The following MGAT4C variants were observed in gnomAD, a reference collection of about 807,000 sequenced individuals.
MGAT4C encodes MGAT4 family member C.
Under a neutral mutation model 40.1 loss-of-function variants are expected in MGAT4C, and 19 were observed. The observed-to-expected ratio is 0.47, with a 90% CI of 0.33 to 0.70. MGAT4C has a LOEUF of 0.70. MGAT4C is among the 30% of genes least tolerant of loss of function. The pLI, the probability that MGAT4C is intolerant of heterozygous loss-of-function variation, is 0.02. For missense variants in MGAT4C, 491 were observed against 563.2 expected (o/e 0.87, Z 1.30); for synonymous variants, 181 against 187.1 (o/e 0.97, Z 0.27).
chr12:86,086,507 A>C (rs772283095), intron 1 of MGAT4C, among the ~76,000 whole-genome samples: 8 of 152,108 alleles, frequency 5.3e-5, no homozygotes, highest in Non-Finnish European at 1.0e-4. Flanking sequence ...GCACATCTGC[A>C]CATGTATCCC....
intron 4 of MGAT4C, among the ~76,000 whole-genome samples, chr12:86,273,887 A>G (rs1000136733): frequency 7.2e-5 from 11 of 152,208 alleles, no homozygotes; most frequent in Non-Finnish European, 1.5e-4. Context: ...CTTTAATGGT[A>G]CTTGCACCTT....
At chr12:86,242,746 T>C (rs1457340869) in intron 1 of MGAT4C, among the ~76,000 whole-genome samples, 1 of 152,048 alleles carries the variant, frequency 6.6e-6, no homozygotes, top group African/African-American at 2.4e-5. Context: ...CTTACCTTTA[T>C]ACAATGGCAT....
At chr12:86,321,081 C>A (rs953689380) in intron 4 of MGAT4C, among the ~76,000 whole-genome samples, 1 of 152,038 alleles carries the variant, frequency 6.6e-6, no homozygotes, top group African/African-American at 2.4e-5. Context: ...ATCTTAAAAC[C>A]ATTTTTATAC....
chr12:86,195,423 A>T (rs890456569), intron 1 of MGAT4C, among the ~76,000 whole-genome samples: 8 of 152,138 alleles, frequency 5.3e-5, no homozygotes, highest in South Asian at 2.1e-4. Flanking sequence ...TTTAAAGGAG[A>T]CATTGAATCA....
intron 1 of MGAT4C, among the ~76,000 whole-genome samples, chr12:86,175,638 T>G (rs1887323457): frequency 6.6e-6 from 1 of 152,000 alleles, no homozygotes; most frequent in Non-Finnish European, 1.5e-5. Context: ...TTCTCAAACT[T>G]TAATAGGTAT....
At chr12:86,551,531 A>G (rs961883476) in intron 2 of MGAT4C, among the ~76,000 whole-genome samples, 2 of 152,036 alleles carry the variant, frequency 1.3e-5, no homozygotes, top group Non-Finnish European at 2.9e-5. Context: ...ACACCCCCAC[A>G]TTGGCCAAGT....
chr12:86,371,753 A>T (rs1205846183), intron 3 of MGAT4C, among the ~76,000 whole-genome samples: 1 of 151,950 alleles, frequency 6.6e-6, no homozygotes, highest in African/African-American at 2.4e-5. Context: ...TTTATCTTTG[A>T]TTCCTCAATA....
At chr12:86,612,275 C>T (rs984216558) in intron 2 of MGAT4C, among the ~76,000 whole-genome samples, 1 of 151,980 alleles carries the variant, frequency 6.6e-6, no homozygotes, top group Non-Finnish European at 1.5e-5. Context: ...TTTTCTCAAC[C>T]TACTAAAATC....
At chr12:86,448,250 C>T (rs572922575) in intron 2 of MGAT4C, among the ~76,000 whole-genome samples, 3 of 152,282 alleles carry the variant, frequency 2.0e-5, no homozygotes, top group African/African-American at 7.2e-5. Flanking sequence ...TTATTGGAAT[C>T]CTTTCCTTCT....
intron 1 of MGAT4C, among the ~76,000 whole-genome samples, chr12:86,800,585 G>A (rs1300964669): frequency 1.3e-5 from 2 of 151,880 alleles, no homozygotes; most frequent in African/African-American, 4.8e-5. Flanking sequence ...GTATCAGAGG[G>A]AGTAAACCAG....
intron 2 of MGAT4C, among the ~76,000 whole-genome samples, chr12:86,582,982 T>C (rs1412600257): frequency 1.3e-5 from 2 of 151,200 alleles, no homozygotes; most frequent in Middle Eastern, 3.2e-3. Flanking sequence ...TAAACACAGA[T>C]AAGAAAATGG....
chr12:86,603,651 ATATAG>A (rs1206103579), intron 2 of MGAT4C, among the ~76,000 whole-genome samples: 5 of 126,462 alleles, frequency 4.0e-5, no homozygotes, highest in African/African-American at 1.5e-4. Flanking sequence ...AGTATATATT[ATATAG>A]TCTATATTAT....
At chr12:86,604,015 A>AT (rs1961951108) in intron 2 of MGAT4C, among the ~76,000 whole-genome samples, 2 of 151,804 alleles carry the variant, frequency 1.3e-5, no homozygotes, top group South Asian at 2.1e-4. Flanking sequence ...AACATATATA[A>AT]TTTTTTGTCA....
At chr12:86,199,190 G>A (rs1444749903) in intron 1 of MGAT4C, among the ~76,000 whole-genome samples, 2 of 152,092 alleles carry the variant, frequency 1.3e-5, no homozygotes, top group African/African-American at 4.8e-5. Context: ...TATGCCAATA[G>A]GAACCATATC....
At chr12:86,145,444 C>A (rs1883389292) in intron 1 of MGAT4C, among the ~76,000 whole-genome samples, 1 of 152,138 alleles carries the variant, frequency 6.6e-6, no homozygotes, top group African/African-American at 2.4e-5. Context: ...TAATTACCAA[C>A]AATTAGACGT....
chr12:86,147,016 G>A (rs1246228470), intron 1 of MGAT4C, among the ~76,000 whole-genome samples: 1 of 152,088 alleles, frequency 6.6e-6, no homozygotes. Context: ...AACAACATTG[G>A]ATGGATTCTT....
intron 1 of MGAT4C, among the ~76,000 whole-genome samples, chr12:86,770,877 G>A (rs1182860051): frequency 2.0e-5 from 3 of 152,028 alleles, no homozygotes; most frequent in Non-Finnish European, 2.9e-5. Flanking sequence ...AATATGACAT[G>A]AGCTTGAAGG....
At chr12:86,035,595 T>A (rs2136919337) in intron 2 of MGAT4C, among the ~76,000 whole-genome samples, 1 of 150,272 alleles carries the variant, frequency 6.7e-6, no homozygotes, top group Non-Finnish European at 1.5e-5. Flanking sequence ...ATCCTATTTG[T>A]CAATTTTGGC....
intron 2 of MGAT4C, among the ~76,000 whole-genome samples, chr12:86,690,330 G>A (rs1234376490): frequency 6.6e-6 from 1 of 152,154 alleles, no homozygotes; most frequent in Non-Finnish European, 1.5e-5. Flanking sequence ...GAATGATTCT[G>A]TCTCACTGGC....
Sources: allele counts gnomAD v4.1 joint callset (sites outside exome capture counted in the v4.1 genomes callset), GRCh38; gene constraint gnomAD v4.1.1; transcripts MANE v1.5; gene names NCBI Gene and HGNC (gene_info 2026-07-23, HGNC 2026-07-21).